PRAMEF17: variants seen among roughly 807,000 people sequenced by gnomAD.
PRAMEF17 encodes PRAME family member 17.
PRAMEF17 carries 48 observed loss-of-function variants against 36.8 expected under a neutral mutation model. That is an observed-to-expected ratio of 1.30 (90% confidence interval 1.03 to 1.66). The LOEUF (loss-of-function observed/expected upper bound fraction) is 1.66. PRAMEF17 is among the 40% of genes most tolerant of loss of function. PRAMEF17 has a pLI of 0.00. For missense variants in PRAMEF17, 639 were observed against 560.6 expected (o/e 1.14, Z -1.41); for synonymous variants, 246 against 220.4 (o/e 1.12, Z -1.03).
chr1:13,391,746 G>T (rs551378844), intron 2 of PRAMEF17, among the ~76,000 whole-genome samples, 198 bp from the exon 3 acceptor site: 2 of 152,112 alleles, frequency 1.3e-5, no homozygotes. Flanking sequence ...CACCTTGCAC[G>T]CAGACCATCA....
At chr1:13,391,889 AC>A (rs1176717611) in intron 2 of PRAMEF17, 54 bp from the exon 3 acceptor site, 14 of 1,596,286 alleles carry the variant, frequency 8.8e-6, no homozygotes, top group Admixed American at 3.4e-5. Flanking sequence ...ATGATTTCCC[AC>A]CCCCCTCCTC....
chr1:13,392,039 A>G lies in PRAMEF17; in HGVS notation c.962A>G (p.Gln321Arg), dbSNP rs752650630. The change falls in exon 3 of 3, where the codon CAG becomes CGG. Residue 321 changes from glutamine to arginine, a missense_variant. By Grantham distance (43) the Gln-to-Arg change is conservative. Transcript: ENST00000376098. ...ECLSQYPSLS[Q>R]LKELHLIHIL... ...CTGTCTCAGTACCCAAGCCTCAGTC[A>G]GCTAAAGGAGCTGCATCTGATTCAT... 1.1e-5 allele frequency: 17 copies of G among 1,611,760 alleles called. No homozygotes were observed. The highest frequency in any genetic ancestry group is 6.7e-5 in the Admixed American group (4 of 59,970).
Position 13,392,077 on chromosome 1 carries a change from A to G in PRAMEF17, c.1000A>G (p.Thr334Ala). The G allele has an allele frequency of 3.7e-6, 6 of 1,611,778 alleles. No individual in the cohort carries two copies. The highest frequency in any genetic ancestry group is 5.1e-6 in the Non-Finnish European group (6 of 1,179,790). ...GCATCTGATTCATATCCTAATGTGGACTACCAATCTTGAGCCCCTTGGAGC... is the reference window on the plus strand; with the variant it reads ...GCATCTGATTCATATCCTAATGTGGGCTACCAATCTTGAGCCCCTTGGAGC... ...ELHLIHILMW[T>A]TNLEPLGALL... is the part of the protein sequence containing the mutation. Residue 334 changes from threonine to alanine, a missense_variant, in exon 3 of 3, where the codon ACT becomes GCT. Thr to Ala is a moderately conservative substitution (Grantham distance 58, BLOSUM62 0). Coordinates refer to ENST00000376098, the MANE Select transcript of PRAMEF17 (RefSeq NM_001099851.3).
chr1:13,390,589 A>G lies in PRAMEF17; in HGVS notation c.536A>G (p.His179Arg). 6.2e-7 allele frequency: 1 copy of G among 1,611,960 alleles called. No individual in the cohort carries two copies. The highest frequency in any genetic ancestry group is 1.1e-5 in the South Asian group (1 of 90,974). Reference sequence around the variant, plus strand: ...ATCCACTACAGAAGAGGTCTAGTGCACCTGTGTTGTAATAAGGTGCAGAAT... The same window carrying G: ...ATCCACTACAGAAGAGGTCTAGTGCGCCTGTGTTGTAATAAGGTGCAGAAT... ...RWIHYRRGLVHLCCNKVQNYS... is the reference protein window; with the variant it reads ...RWIHYRRGLVRLCCNKVQNYS... The change falls in exon 2 of 3, where the codon CAC becomes CGC. Residue 179 changes from histidine (H) to arginine (R), a missense_variant. His to Arg is a conservative substitution (Grantham distance 29). Coordinates refer to ENST00000376098, the MANE Select transcript of PRAMEF17 (RefSeq NM_001099851.3).
In PRAMEF17 at chr1:13,390,470, A is replaced by T; in HGVS notation, c.417A>T (p.Pro139=). ...AGAGGCAGACAGTGGAGGACTATCC[A>T]AGGACGGGAGAGCACCAGCCCTTGA... ...MSKRQTVEDY[P]RTGEHQPLKV... Residue 139 remains proline, a synonymous_variant, in exon 2 of 3, where the codon CCA becomes CCT. Coordinates refer to ENST00000376098, the MANE Select transcript of PRAMEF17 (RefSeq NM_001099851.3). The T allele has an allele frequency of 6.2e-7, 1 of 1,612,012 alleles. No homozygotes were observed. The highest frequency in any genetic ancestry group is 1.1e-5 in the South Asian group (1 of 90,994).
chr1:13,390,609 C>T lies in PRAMEF17; in HGVS notation c.556C>T (p.Gln186Ter), dbSNP rs756160055. The change falls in exon 2 of 3, where the codon CAG becomes TAG. Residue 186 changes from glutamine to a stop codon, truncating the protein, a stop_gained. Coordinates refer to ENST00000376098, the MANE Select transcript of PRAMEF17 (RefSeq NM_001099851.3). LOFTEE classifies it high-confidence loss of function. ...GLVHLCCNKV[Q>*]NYSMPTSSFR... ...AGTGCACCTGTGTTGTAATAAGGTG[C>T]AGAATTACTCAATGCCCACTTCAAG... 5.0e-6 allele frequency: 8 copies of T among 1,611,958 alleles called. No individual in the cohort carries two copies. The highest frequency in any genetic ancestry group is 1.1e-5 in the South Asian group (1 of 90,974).
chr1:13,391,287 A>G (rs981617900), intron 2 of PRAMEF17, among the ~76,000 whole-genome samples: 6 of 152,188 alleles, frequency 3.9e-5, no homozygotes, highest in Non-Finnish European at 8.8e-5. Flanking sequence ...AAGAAGGGAA[A>G]GTGCATCAAA....
At chr1:13,390,983 A>G in intron 2 of PRAMEF17, 64 bp downstream of exon 2, 6 of 1,607,490 alleles carry the variant, frequency 3.7e-6, no homozygotes, top group Non-Finnish European at 5.1e-6. Flanking sequence ...TTTTCACAGT[A>G]AACGCTAGTG....
In PRAMEF17 at chr1:13,389,652, G is replaced by T; in HGVS notation, c.-6G>T. 6.2e-7 allele frequency: 1 copy of T among 1,611,976 alleles called. No homozygotes were observed. The highest frequency in any genetic ancestry group is 8.5e-7 in the Non-Finnish European group (1 of 1,179,856). ...CTCTAGAGTTTTTCACTGGAGATTT[G>T]TCAGAATGAGCCTCCAGTCCCCATC... is the stretch of plus-strand genomic sequence containing the variant. On this transcript the variant is annotated 5_prime_UTR_variant, in exon 1 of 3. Coordinates refer to ENST00000376098, the MANE Select transcript of PRAMEF17 (RefSeq NM_001099851.3).
rs748804075 is a variant in PRAMEF17 at position 13,392,232 on chromosome 1, C to A, written c.1155C>A (p.Arg385=). The change falls in exon 3 of 3, where the codon CGC becomes CGA. Residue 385 remains arginine, a synonymous_variant. Transcript: ENST00000376098. Reference sequence around the variant, plus strand: ...CCCAGCTCACCACCTTCTACTTTCGCGGAAATGAGACCTCCACGAATGCTC... The same window carrying A: ...CCCAGCTCACCACCTTCTACTTTCGAGGAAATGAGACCTCCACGAATGCTC... ...RCSQLTTFYF[R]GNETSTNALK... is the part of the protein sequence containing the mutation. The A allele has an allele frequency of 1.2e-5, 20 of 1,611,904 alleles. No individual in the cohort carries two copies. The highest frequency in any genetic ancestry group is 4.5e-5 in the East Asian group (2 of 44,860).
intron 1 of PRAMEF17, 135 bp downstream of exon 1, chr1:13,390,079 C>G (rs1480130141): frequency 5.6e-6 from 8 of 1,419,342 alleles, no homozygotes; most frequent in Non-Finnish European, 9.7e-7. Flanking sequence ...AGACCTTGAC[C>G]ATTGCCCAGA....
intron 1 of PRAMEF17, 74 bp downstream of exon 1, chr1:13,390,018 G>A (rs1417954524): frequency 5.6e-6 from 9 of 1,607,636 alleles, no homozygotes; most frequent in South Asian, 5.5e-5. Context: ...AGGAGGAGTG[G>A]TGGGGTTGGG....
At chr1:13,391,472 G>A (rs1451681670) in intron 2 of PRAMEF17, among the ~76,000 whole-genome samples, 2 of 152,180 alleles carry the variant, frequency 1.3e-5, no homozygotes, top group Non-Finnish European at 1.5e-5. Flanking sequence ...GGTATAAAGT[G>A]ATAGGTGGTT....
intron 2 of PRAMEF17, among the ~76,000 whole-genome samples, chr1:13,391,163 A>C (rs1227886690): frequency 2.0e-5 from 3 of 152,082 alleles, no homozygotes; most frequent in African/African-American, 7.2e-5. Flanking sequence ...ACATGCAGGG[A>C]GCTAGTTAGT....
chr1:13,391,658 C>G (rs1464330106), intron 2 of PRAMEF17, among the ~76,000 whole-genome samples: 1 of 152,250 alleles, frequency 6.6e-6, no homozygotes, highest in East Asian at 1.9e-4. Flanking sequence ...TGGCCTTGAA[C>G]TAATCACACA....
rs1438952895 is a variant in PRAMEF17 at position 13,392,525 on chromosome 1, G to C, written c.*23G>C. The stretch of plus-strand genomic sequence containing the variant: ...TAGTGAAGGCCTGATTAGTGGGATG[G>C]ATATGCTTTCTTCAGGACCCTTAGG... On this transcript the variant is annotated 3_prime_UTR_variant, in exon 3 of 3. Transcript: ENST00000376098. 3.7e-6 allele frequency: 6 copies of C among 1,611,772 alleles called. No homozygotes were observed. The highest frequency in any genetic ancestry group is 2.7e-5 in the African/African-American group (2 of 74,830).
Position 13,390,286 on chromosome 1 carries a change from G to T in PRAMEF17, c.288-55G>T, listed in dbSNP as rs1247547982. 9.3e-6 allele frequency: 15 copies of T among 1,610,512 alleles called. No homozygotes were observed. The African/African-American group carries it at 1.7e-4, about 19-fold the overall frequency. On this transcript the variant is annotated intron_variant, in intron 1 of 2. Coordinates refer to ENST00000376098, the MANE Select transcript of PRAMEF17 (RefSeq NM_001099851.3). ...GTCCTGGATGTTGAGTGAAAGCTCA[G>T]GTCAGGGGTGGGTCTTTGCCTACAT...
chr1:13,392,574 GGTTTTTTT>G lies in PRAMEF17; in HGVS notation c.*89_*96del, dbSNP rs1175094243. The G allele has an allele frequency of 1.9e-6, 3 of 1,580,850 alleles. No individual in the cohort carries two copies. The highest frequency in any genetic ancestry group is 2.6e-6 in the Non-Finnish European group (3 of 1,169,258). ...GGCACTAAAATCTAGGACACAGGTG[GGTTTTTTT>G]GTTTTTTTGTTTTTTTTTTGATGGA... On this transcript the variant is annotated 3_prime_UTR_variant, in exon 3 of 3. Coordinates refer to ENST00000376098, the MANE Select transcript of PRAMEF17 (RefSeq NM_001099851.3).
At chr1:13,391,004 G>A in intron 2 of PRAMEF17, 85 bp downstream of exon 2, 2 of 1,582,052 alleles carry the variant, frequency 1.3e-6, no homozygotes, top group Non-Finnish European at 1.7e-6. Context: ...GGCATCTACT[G>A]TGTGCCAGCC....
Sources: allele counts gnomAD v4.1 joint callset (sites outside exome capture counted in the v4.1 genomes callset), GRCh38; gene constraint gnomAD v4.1.1; transcripts MANE v1.5; gene names NCBI Gene and HGNC (gene_info 2026-07-23, HGNC 2026-07-21).